The following RAPGEF1 variants were observed in gnomAD, a reference collection of about 807,000 sequenced individuals.
RAPGEF1 encodes the protein Rap guanine nucleotide exchange factor 1, also known as CRK SH3-binding GNRP.
RAPGEF1 carries 33 observed loss-of-function variants against 143.3 expected under a neutral mutation model. The ratio of observed to expected loss-of-function variants is 0.23; its 90% CI spans 0.17 to 0.31. RAPGEF1 has a LOEUF of 0.31. RAPGEF1 is among the 10% of genes least tolerant of loss of function. The probability of loss-of-function intolerance (pLI) is 1.00; values close to 1 mark genes in which losing one functional copy is unlikely to be tolerated. For synonymous variants in RAPGEF1, 629 were observed against 676.5 expected, an observed-to-expected ratio of 0.93 and a Z score of 1.09; for missense variants, 1,199 against 1,645.4, an observed-to-expected ratio of 0.73 and a Z score of 4.69.
chr9:131,593,629 C>G (rs1404106761), intron 17 of RAPGEF1, among the ~76,000 whole-genome samples: 5 of 152,204 alleles, frequency 3.3e-5, no homozygotes, highest in Admixed American at 1.3e-4. Context: ...CACCCTTGCC[C>G]CATCCCCTCT....
chr9:131,678,177 G>A (rs1564685281), intron 1 of RAPGEF1, among the ~76,000 whole-genome samples: 1 of 152,198 alleles, frequency 6.6e-6, no homozygotes, highest in Non-Finnish European at 1.5e-5. Context: ...AGCAAACAGA[G>A]TCAGAAGCTT....
chr9:131,718,760 G>A (rs982926825), intron 1 of RAPGEF1, among the ~76,000 whole-genome samples: 11 of 152,118 alleles, frequency 7.2e-5, no homozygotes, highest in East Asian at 1.9e-4. Flanking sequence ...TCTGGTTCAG[G>A]TGCATAATGT....
chr9:131,690,314 T>C (rs1433948228), intron 1 of RAPGEF1, among the ~76,000 whole-genome samples: 1 of 152,204 alleles, frequency 6.6e-6, no homozygotes, highest in Non-Finnish European at 1.5e-5. Context: ...GTGACGGTTC[T>C]TCCAAAACGA....
At chr9:131,617,599 G>T (rs1004749247) in intron 12 of RAPGEF1, among the ~76,000 whole-genome samples, 2 of 152,230 alleles carry the variant, frequency 1.3e-5, no homozygotes, top group African/African-American at 4.8e-5. Context: ...ACTCTCATGT[G>T]TAAAGTTAGA....
At chr9:131,632,898 C>A (rs1407030559) in intron 5 of RAPGEF1, among the ~76,000 whole-genome samples, 5 of 152,038 alleles carry the variant, frequency 3.3e-5, no homozygotes, top group African/African-American at 1.2e-4. Context: ...AAACAAGCAA[C>A]CCCGCCCTCC....
intron 1 of RAPGEF1, among the ~76,000 whole-genome samples, chr9:131,738,356 G>A (rs910134248): frequency 6.6e-6 from 1 of 152,106 alleles, no homozygotes; most frequent in African/African-American, 2.4e-5. Flanking sequence ...CACTATACAA[G>A]AAGTTCCTGA....
At chr9:131,707,337 A>T (rs762414824) in intron 1 of RAPGEF1, among the ~76,000 whole-genome samples, 1 of 152,250 alleles carries the variant, frequency 6.6e-6, no homozygotes, top group Non-Finnish European at 1.5e-5. Flanking sequence ...CAAACCTCAT[A>T]TATCGATGAC....
intron 1 of RAPGEF1, among the ~76,000 whole-genome samples, chr9:131,685,273 T>C (rs1460077734): frequency 6.6e-6 from 1 of 152,232 alleles, no homozygotes; most frequent in Non-Finnish European, 1.5e-5. Flanking sequence ...CTTGCTTTTA[T>C]GGATTTGCAA....
intron 3 of RAPGEF1, among the ~76,000 whole-genome samples, chr9:131,644,793 G>A (rs1396308966): frequency 2.6e-5 from 4 of 151,884 alleles, no homozygotes; most frequent in African/African-American, 7.3e-5. Context: ...GTGACACACC[G>A]TCTCAATTAA....
intron 14 of RAPGEF1, among the ~76,000 whole-genome samples, chr9:131,603,151 GT>G (rs1348266321): frequency 6.6e-6 from 1 of 152,078 alleles, no homozygotes; most frequent in Non-Finnish European, 1.5e-5. Context: ...CTGAACCCCT[GT>G]GGGGACCCTG....
At chr9:131,607,855 C>T (rs186876717) in intron 12 of RAPGEF1, among the ~76,000 whole-genome samples, 1 of 152,328 alleles carries the variant, frequency 6.6e-6, no homozygotes, top group Non-Finnish European at 1.5e-5. Context: ...TAACTGAGCA[C>T]CTGATTTACA....
chr9:131,728,649 A>G (rs1836825537), intron 1 of RAPGEF1, among the ~76,000 whole-genome samples: 1 of 152,010 alleles, frequency 6.6e-6, no homozygotes, highest in Non-Finnish European at 1.5e-5. Flanking sequence ...CAGCTTTCTT[A>G]GAGAGAGAAA....
rs529498226 is a variant in RAPGEF1, at chr9:131,658,818, G to A, written c.62-7869C>T. On this transcript the variant is annotated intron_variant, in intron 1 of 26. Coordinates refer to ENST00000683357, the MANE Select transcript of RAPGEF1 (RefSeq NM_001377935.1). ...TTCTTAAATTTTTAACTTGCCCCTC[G>A]GCCAGGCTTAACAATGGTCTCTGCC... is the stretch of plus-strand genomic sequence containing the variant. Among the ~76,000 whole-genome samples the A allele has an allele frequency of 1.2e-3, 181 of 152,302 alleles. 2 individuals carry two copies. The highest frequency in any genetic ancestry group is 4.2e-3 in the African/African-American group (173 of 41,556).
At chr9:131,704,308 G>C (rs1384392655) in intron 1 of RAPGEF1, among the ~76,000 whole-genome samples, 3 of 150,128 alleles carry the variant, frequency 2.0e-5, no homozygotes, top group Non-Finnish European at 4.4e-5. Context: ...AAACACCTTT[G>C]CTGGCTGGAA....
At chr9:131,605,495 C>A (rs947085783) in intron 12 of RAPGEF1, among the ~76,000 whole-genome samples, 3 of 152,190 alleles carry the variant, frequency 2.0e-5, no homozygotes, top group Non-Finnish European at 4.4e-5. Context: ...ATAAAACCTG[C>A]GTGGCCCATC....
At position 131,628,627 on chromosome 9, in the gene RAPGEF1, G is replaced by A. The variant is rs1296777344; in HGVS notation, c.939C>T (p.Ser313=). Residue 313 remains serine (S), a synonymous_variant, in exon 8 of 27, where the codon TCC becomes TCT. Coordinates refer to ENST00000683357, the MANE Select transcript of RAPGEF1 (RefSeq NM_001377935.1). The surrounding 1 kb of genome is among the most constrained non-coding windows in gnomAD (Gnocchi z 5.7). ...GGGCCACCACAGCCACTCGGGTAGG[G>A]GACGGCGCCGACTGTCTTTTCTTGG... ...LPPKKRQSAP[S]PTRVAVVAPM... is the part of the protein sequence containing the mutation. 1 of 1,611,784 alleles carries A rather than the reference G, an allele frequency of 6.2e-7. No homozygotes were observed. Among genetic ancestry groups the A allele is most frequent in the African/African-American group, 1.3e-5 (1 of 74,870 alleles).
intron 18 of RAPGEF1, 135 bp downstream of exon 18, chr9:131,591,964 C>CA (rs1954354069): frequency 1.6e-6 from 1 of 636,366 alleles, no homozygotes; most frequent in Admixed American, 2.9e-5. Flanking sequence ...CATGGGGCTC[C>CA]TGTGTCCCTA....
chr9:131,662,541 GTTTTA>G (rs1412534479), intron 1 of RAPGEF1, among the ~76,000 whole-genome samples: 2 of 148,222 alleles, frequency 1.3e-5, no homozygotes, highest in East Asian at 4.0e-4. Flanking sequence ...CTAATTTTTT[GTTTTA>G]TTTTGTTTTT....
Position 131,580,476 on chromosome 9 carries a change from C to T in RAPGEF1, c.3513-85G>A, listed in dbSNP as rs1046589834. 2.0e-5 allele frequency: 29 copies of T among 1,467,322 alleles called. No homozygotes were observed. The African/African-American group carries it at 3.6e-4, about 18-fold the overall frequency. 90.9% of individuals were successfully genotyped at this position (1,467,322 alleles called of 1,614,324 possible). A position where few individuals can be genotyped will look rare whatever the true frequency, so the allele number is the denominator to read the frequency against. On this transcript the variant is annotated intron_variant, in intron 25 of 26. Transcript: ENST00000683357. Reference sequence around the variant, plus strand: ...GAGACATGTGTCAGGCGCTAGGACTCGCAGTGAGCAGCTTCCAAACCCCAG... The same window carrying T: ...GAGACATGTGTCAGGCGCTAGGACTTGCAGTGAGCAGCTTCCAAACCCCAG...
Sources: allele counts gnomAD v4.1 joint callset (sites outside exome capture counted in the v4.1 genomes callset), GRCh38; gene constraint gnomAD v4.1.1; non-coding constraint Gnocchi (gnomAD v3.1); transcripts MANE v1.5; gene names NCBI Gene and HGNC (gene_info 2026-07-23, HGNC 2026-07-21).